Variants in CPLANE1 observed in about 807,000 individuals in gnomAD.
CPLANE1 encodes the protein ciliogenesis and planar polarity effector complex subunit 1.
A neutral mutation model predicts 362.5 loss-of-function variants in CPLANE1; 263 were observed. That is an observed-to-expected ratio of 0.73 (90% confidence interval 0.66 to 0.80). CPLANE1 has a LOEUF of 0.80. Among genes scored for constraint, CPLANE1 ranks in the 30% least tolerant of loss-of-function variants. The probability of loss-of-function intolerance (pLI) is 0.00; values close to 1 mark genes in which losing one functional copy is unlikely to be tolerated. For synonymous variants in CPLANE1, 1,212 were observed against 1,302.6 expected (o/e 0.93, Z 1.50); for missense variants, 3,461 against 3,793.4 (o/e 0.91, Z 2.30).
At position 37,180,149 on chromosome 5, in the gene CPLANE1, T is replaced by C; in HGVS notation, c.5605A>G (p.Lys1869Glu). 1 of 1,536,356 alleles carries C rather than the reference T, an allele frequency of 6.5e-7. No homozygotes were observed. Among genetic ancestry groups the C allele is most frequent in the Non-Finnish European group, 8.7e-7 (1 of 1,144,286 alleles). The change falls in exon 28 of 53, where the codon AAA (lysine) becomes GAA (glutamate). Residue 1869 changes from lysine to glutamate, a missense_variant. Around this residue, in one of 2 missense-constraint regions of CPLANE1, gnomAD observed 3,380 missense variants for 3,666.1 expected, o/e 0.92. Coordinates refer to ENST00000651892, the MANE Select transcript of CPLANE1 (RefSeq NM_001384732.1). Reference protein sequence around the residue: ...MPTEAKNPDIKEINDDIISIT... With the variant: ...MPTEAKNPDIEEINDDIISIT... ...GAAATAATATCATCATTGATTTCTTTTATATCAGGATTTTTTGCTTCAGTT... is the reference window on the plus strand; with the variant it reads ...GAAATAATATCATCATTGATTTCTTCTATATCAGGATTTTTTGCTTCAGTT...
At chr5:37,185,818 T>C (rs1783824202) in intron 24 of CPLANE1, among the ~76,000 whole-genome samples, 1 of 152,230 alleles carries the variant, frequency 6.6e-6, no homozygotes, top group Non-Finnish European at 1.5e-5. Context: ...ATATGCATTT[T>C]ACCACAGTAA....
chr5:37,209,320 A>G lies in CPLANE1; in HGVS notation c.2921-2895T>C, dbSNP rs2150180069. 1.2e-6 allele frequency: 1 copy of G among 828,662 alleles called. No homozygotes were observed. Among genetic ancestry groups the G allele is most frequent in the Admixed American group, 1.7e-5 (1 of 58,162 alleles). 51.3% of individuals were successfully genotyped at this position (828,662 alleles called of 1,614,324 possible). On this transcript the variant is annotated intron_variant, in intron 16 of 52. Transcript: ENST00000651892. The surrounding 1 kb of genome is among the most constrained non-coding windows in gnomAD (Gnocchi z 4.6). Reference sequence around the variant, plus strand: ...CCCAGCTGGGCACTAAACTCGGGCCACGGCGGGGCGAGCGAGGCGGGCTCC... The same window carrying G: ...CCCAGCTGGGCACTAAACTCGGGCCGCGGCGGGGCGAGCGAGGCGGGCTCC...
chr5:37,080,904 T>C, the CPLANE1 span, among the ~76,000 whole-genome samples: 3 of 152,218 alleles, frequency 2.0e-5, no homozygotes, highest in East Asian at 5.8e-4. Context: ...TGGCACGCAC[T>C]TACCACATAT....
chr5:37,165,022 C>A (rs1777864541), intron 36 of CPLANE1, among the ~76,000 whole-genome samples: 1 of 152,088 alleles, frequency 6.6e-6, no homozygotes, highest in Non-Finnish European at 1.5e-5. Flanking sequence ...AGGAGGATTG[C>A]CCGAGCCCAG....
intron 32 of CPLANE1, among the ~76,000 whole-genome samples, chr5:37,170,668 T>C (rs948986605): frequency 1.3e-5 from 2 of 152,198 alleles, no homozygotes; most frequent in Non-Finnish European, 2.9e-5. Context: ...CCGGGCACAG[T>C]GGCTCACGCC....
Position 37,227,329 on chromosome 5 carries a change from G to C in CPLANE1, c.1435C>G (p.Gln479Glu), listed in dbSNP as rs1359820021. 6 of 1,551,970 alleles carry C rather than the reference G, an allele frequency of 3.9e-6. No homozygotes were observed. The highest frequency in any genetic ancestry group is 4.4e-6 in the Non-Finnish European group (5 of 1,146,998). The change falls in exon 11 of 53, where the codon CAA (glutamine) becomes GAA (glutamate). Residue 479 changes from glutamine (Q) to glutamate (E), a missense_variant. Physicochemically the swap from Gln to Glu is conservative, Grantham distance 29. Around this residue, in one of 2 missense-constraint regions of CPLANE1, gnomAD observed 3,380 missense variants for 3,666.1 expected, o/e 0.92. Coordinates refer to ENST00000651892, the MANE Select transcript of CPLANE1 (RefSeq NM_001384732.1). ...AAATCGGCTGAACTTTCATTTCCTTGGTGTTCTAACAGGCTAGACCTTAGG... is the reference window on the plus strand; with the variant it reads ...AAATCGGCTGAACTTTCATTTCCTTCGTGTTCTAACAGGCTAGACCTTAGG... ...NSLRSSLLEH[Q>E]GNESSADFTV...
In CPLANE1 at chr5:37,165,608, T is replaced by C; in HGVS notation, c.7464A>G (p.Pro2488=). 1.2e-6 allele frequency: 2 copies of C among 1,612,254 alleles called. No individual in the cohort carries two copies. Among genetic ancestry groups the C allele is most frequent in the Non-Finnish European group, 1.7e-6 (2 of 1,179,516 alleles). The part of the protein sequence containing the change: ...EKRCEKLRRK[P]NVTFRPENSI... Reference sequence around the variant, plus strand: ...AATTCTCTGGTCGAAAAGTCACATTTGGTTTTCTCCTCAGTTTCTCACATC... The same window carrying C: ...AATTCTCTGGTCGAAAAGTCACATTCGGTTTTCTCCTCAGTTTCTCACATC... The change falls in exon 36 of 53, where the codon CCA becomes CCG. Residue 2488 remains proline (P), a synonymous_variant. Transcript: ENST00000651892.
intron 16 of CPLANE1, chr5:37,211,132 T>C: frequency 8.6e-7 from 1 of 1,169,108 alleles, no homozygotes; most frequent in Admixed American, 1.7e-5. Flanking sequence ...GGGGATTTCT[T>C]GAACAATCCT....
rs1019148800 is a variant in CPLANE1 at position 37,231,950 on chromosome 5, T to C, written c.939-901A>G. ...TGAGACTAATACTTTCAAAGTATTA[T>C]GAATAATATGAATGAGAAATTTACC... On this transcript the variant is annotated intron_variant, in intron 8 of 52. Transcript: ENST00000651892. Among the ~76,000 whole-genome samples the C allele has an allele frequency of 2.0e-5, 3 of 152,076 alleles. 1 individual carries two copies. Among genetic ancestry groups the C allele is most frequent in the Middle Eastern group, 6.8e-3 (2 of 294 alleles).
At chr5:37,093,173 T>C in the CPLANE1 span, among the ~76,000 whole-genome samples, 1 of 152,230 alleles carries the variant, frequency 6.6e-6, no homozygotes, top group African/African-American at 2.4e-5. Context: ...CTGTGGCATC[T>C]ATTACTGAGT....
At chr5:37,147,154 C>G (rs1284561297) in intron 43 of CPLANE1, among the ~76,000 whole-genome samples, 2 of 152,084 alleles carry the variant, frequency 1.3e-5, no homozygotes, top group African/African-American at 2.4e-5. Flanking sequence ...AGAAGCTTGA[C>G]CAAAGGGAGA....
the CPLANE1 span, among the ~76,000 whole-genome samples, chr5:37,076,263 A>G: frequency 7.2e-5 from 11 of 151,812 alleles, no homozygotes; most frequent in Non-Finnish European, 7.4e-5. Context: ...CAAAAAAAAA[A>G]AAAAGAAAAG....
intron 21 of CPLANE1, among the ~76,000 whole-genome samples, chr5:37,195,617 A>G (rs957910254): frequency 5.3e-5 from 8 of 152,018 alleles, no homozygotes; most frequent in African/African-American, 1.9e-4. Context: ...AAAAAAATTC[A>G]GTTAAATAAT....
intron 41 of CPLANE1, among the ~76,000 whole-genome samples, chr5:37,156,995 T>C (rs1775300754): frequency 6.6e-6 from 1 of 152,252 alleles, no homozygotes; most frequent in African/African-American, 2.4e-5. Context: ...GGTGTGCTAT[T>C]TGAGAATTTC....
intron 51 of CPLANE1, among the ~76,000 whole-genome samples, chr5:37,113,192 C>T (rs1371213988): frequency 1.3e-5 from 2 of 152,154 alleles, no homozygotes; most frequent in African/African-American, 4.8e-5. Context: ...ATTGTAGCTC[C>T]CATAATTCCC....
At chr5:37,193,255 T>G (rs1786180263) in intron 21 of CPLANE1, among the ~76,000 whole-genome samples, 1 of 152,216 alleles carries the variant, frequency 6.6e-6, no homozygotes, top group Admixed American at 6.5e-5. Flanking sequence ...GTACTCAGAT[T>G]TGCTTTCATG....
In CPLANE1 at chr5:37,227,343, C is replaced by G. The variant is rs780122881; in HGVS notation, c.1421G>C (p.Ser474Thr). The change falls in exon 11 of 53, where the codon AGC (serine) becomes ACC (threonine). Residue 474 changes from serine to threonine, a missense_variant. Ser to Thr is a moderately conservative substitution (Grantham distance 58). Coordinates refer to ENST00000651892, the MANE Select transcript of CPLANE1 (RefSeq NM_001384732.1). ...NLRSLNSLRS[S>T]LLEHQGNESS... ...TTCATTTCCTTGGTGTTCTAACAGG[C>G]TAGACCTTAGGGAATTCAGTGATCG... The G allele has an allele frequency of 6.4e-7, 1 of 1,551,780 alleles. No homozygotes were observed. Among genetic ancestry groups the G allele is most frequent in the Non-Finnish European group, 8.7e-7 (1 of 1,146,926 alleles).
At chr5:37,175,759 C>T in intron 31 of CPLANE1, 150 bp downstream of exon 31, 1 of 599,912 alleles carries the variant, frequency 1.7e-6, no homozygotes, top group Non-Finnish European at 3.0e-6. Context: ...GCTTATGCTG[C>T]TCTTTCAATG....
intron 26 of CPLANE1, 152 bp from the exon 27 acceptor site, chr5:37,181,157 G>T: frequency 2.7e-6 from 2 of 750,178 alleles, no homozygotes; most frequent in Non-Finnish European, 4.1e-6. Flanking sequence ...AATATTTGTT[G>T]CTGAAGCAAT....
Sources: allele counts gnomAD v4.1 joint callset (sites outside exome capture counted in the v4.1 genomes callset), GRCh38; gene constraint gnomAD v4.1.1; regional missense constraint gnomAD v4.1.1; non-coding constraint Gnocchi (gnomAD v3.1); transcripts MANE v1.5; gene names NCBI Gene and HGNC (gene_info 2026-07-23, HGNC 2026-07-21).